CAMSAP2: variants seen among roughly 807,000 people sequenced by gnomAD.
CAMSAP2 encodes calmodulin regulated spectrin associated protein family member 2, also known as calmodulin-regulated spectrin-associated protein 2.
Under a neutral mutation model 146.1 loss-of-function variants are expected in CAMSAP2, and 26 were observed. The ratio of observed to expected loss-of-function variants is 0.18; its 90% confidence interval spans 0.13 to 0.25. The LOEUF (loss-of-function observed/expected upper bound fraction) is 0.25. CAMSAP2 is among the 10% of genes least tolerant of loss of function. CAMSAP2 has a pLI of 1.00. For synonymous variants in CAMSAP2, 499 were observed against 596.6 expected (o/e 0.84, Z 2.38); for missense variants, 1,381 against 1,759.3 (o/e 0.78, Z 3.85).
Position 200,849,138 on chromosome 1 carries a change from T to C in CAMSAP2, c.2369T>C (p.Val790Ala), listed in dbSNP as rs758101733. The C allele has an allele frequency of 2.5e-6, 4 of 1,613,932 alleles. No homozygotes were observed. The highest frequency in any genetic ancestry group is 3.4e-6 in the Non-Finnish European group (4 of 1,179,976). The change falls in exon 11 of 17, where the codon GTA becomes GCA. Residue 790 changes from valine (V) to alanine (A), a missense_variant. By Grantham distance (64) the Val-to-Ala change is moderately conservative. This residue lies in a region of CAMSAP2 where 560 missense variants were observed against 715.9 expected (regional missense o/e 0.78). Coordinates refer to ENST00000358823, the MANE Select transcript of CAMSAP2 (RefSeq NM_203459.4). The surrounding 1 kb of genome is among the most constrained non-coding windows in gnomAD (Gnocchi z 6.3). Reference protein sequence around the residue: ...QKMGRTAFLTVVKKKGDGISP... With the variant: ...QKMGRTAFLTAVKKKGDGISP... Reference sequence around the variant, plus strand: ...ATGGGAAGGACAGCATTCCTTACTGTAGTGAAAAAGAAAGGGGATGGGATA... The same window carrying C: ...ATGGGAAGGACAGCATTCCTTACTGCAGTGAAAAAGAAAGGGGATGGGATA...
rs1005676701 is a variant in CAMSAP2 at position 200,857,063 on chromosome 1, T to C, written c.4013-243T>C. ...ATAGGCAGTATGACAGTTATAGCAA[T>C]ATTTTATTTTTAGTACTGCTCTCAC... On this transcript the variant is annotated intron_variant, in intron 15 of 16. Transcript: ENST00000358823. This position sits in a 1 kb window ranked among gnomAD's most constrained non-coding sequence, Gnocchi z 4.7. 2.6e-5 allele frequency among the ~76,000 whole-genome samples: 4 copies of C among 152,146 alleles called. No individual in the cohort carries two copies. Among genetic ancestry groups the C allele is most frequent in the African/African-American group, 4.8e-5 (2 of 41,416 alleles).
At chr1:200,840,728 A>T (rs1157230259) in intron 6 of CAMSAP2, among the ~76,000 whole-genome samples, 1 of 152,248 alleles carries the variant, frequency 6.6e-6, no homozygotes, top group Admixed American at 6.5e-5. Context: ...AGTAGGAAGA[A>T]GGCAAGACAT....
intron 2 of CAMSAP2, among the ~76,000 whole-genome samples, chr1:200,781,381 G>T (rs1295687752): frequency 2.0e-5 from 3 of 152,138 alleles, no homozygotes; most frequent in African/African-American, 7.2e-5. Flanking sequence ...GGCCTGAGCT[G>T]CCTTATATAA....
At chr1:200,837,867 C>T (rs1265243179) in intron 6 of CAMSAP2, among the ~76,000 whole-genome samples, 1 of 152,056 alleles carries the variant, frequency 6.6e-6, no homozygotes, top group Non-Finnish European at 1.5e-5. Flanking sequence ...TGATTTGGCT[C>T]TTGGCTTAAC....
chr1:200,788,635 CTTTTTTTCT>C (rs1665660507), intron 2 of CAMSAP2, among the ~76,000 whole-genome samples: 1 of 115,780 alleles, frequency 8.6e-6, no homozygotes, highest in Non-Finnish European at 1.7e-5. Flanking sequence ...AACATCTTTT[CTTTTTTTCT>C]TTTTTTTTTT....
intron 1 of CAMSAP2, among the ~76,000 whole-genome samples, chr1:200,751,789 A>G (rs780069238): frequency 2.6e-5 from 4 of 152,174 alleles, no homozygotes; most frequent in Non-Finnish European, 4.4e-5. Context: ...GGTAATTAAG[A>G]TGGAGAGACA....
chr1:200,811,242 G>A (rs1008062323), intron 3 of CAMSAP2, among the ~76,000 whole-genome samples: 1 of 152,128 alleles, frequency 6.6e-6, no homozygotes, highest in Non-Finnish European at 1.5e-5. Flanking sequence ...CCCTGTGGTG[G>A]CAGTTTCTTT....
Position 200,857,620 on chromosome 1 carries a change from G to T in CAMSAP2, c.4132-134G>T, listed in dbSNP as rs1240410121. The T allele has an allele frequency of 3.3e-6, 3 of 898,792 alleles. No individual in the cohort carries two copies. Among genetic ancestry groups the T allele is most frequent in the Non-Finnish European group, 5.0e-6 (3 of 602,454 alleles). The allele number at this position is 898,792 out of a possible 1,614,324, so 55.7% of individuals were successfully genotyped here. ...CAGATTTTATTAAAGACTAGCAATAGGCTTTAAGATTTGTCATTGAAATAA... is the reference window on the plus strand; with the variant it reads ...CAGATTTTATTAAAGACTAGCAATATGCTTTAAGATTTGTCATTGAAATAA... On this transcript the variant is annotated intron_variant, in intron 16 of 16. Coordinates refer to ENST00000358823, the MANE Select transcript of CAMSAP2 (RefSeq NM_203459.4). This position sits in a 1 kb window ranked among gnomAD's most constrained non-coding sequence, Gnocchi z 4.7.
intron 1 of CAMSAP2, among the ~76,000 whole-genome samples, chr1:200,754,154 TATA>T (rs2102994844): frequency 6.6e-6 from 1 of 152,336 alleles, no homozygotes; most frequent in East Asian, 1.9e-4. Flanking sequence ...TGTTTAATCT[TATA>T]AGAACAATAT....
At chr1:200,793,566 G>T (rs1665810299) in intron 2 of CAMSAP2, among the ~76,000 whole-genome samples, 1 of 152,058 alleles carries the variant, frequency 6.6e-6, no homozygotes, top group Non-Finnish European at 1.5e-5. Flanking sequence ...AAGCTGCCTT[G>T]TTTGGATATT....
In CAMSAP2 at chr1:200,807,519, C is replaced by T. The variant is rs774676994; in HGVS notation, c.543C>T (p.Val181=). Residue 181 remains valine, a synonymous_variant, in exon 3 of 17, where the codon GTC becomes GTT. Transcript: ENST00000358823. ...TGCCCTATGATATTGAGGACGCTGT[C>T]ATGTACTGGATAAATAAGGTAGGAT... ...TDLPYDIEDA[V]MYWINKVNEH... 13 of 1,599,482 alleles carry T rather than the reference C, an allele frequency of 8.1e-6. No individual in the cohort carries two copies. The highest frequency in any genetic ancestry group is 3.3e-4 in the Middle Eastern group (2 of 5,992).
At chr1:200,818,178 C>A (rs1468634130) in intron 4 of CAMSAP2, among the ~76,000 whole-genome samples, 4 of 152,016 alleles carry the variant, frequency 2.6e-5, no homozygotes, top group Non-Finnish European at 5.9e-5. Flanking sequence ...TGGTTAAATT[C>A]TGTAGTATTG....
intron 1 of CAMSAP2, among the ~76,000 whole-genome samples, chr1:200,757,688 CTT>C (rs1298637842): frequency 6.6e-6 from 1 of 152,044 alleles, no homozygotes; most frequent in African/African-American, 2.4e-5. Flanking sequence ...GAAGTCTTCT[CTT>C]AAGTATATTT....
At chr1:200,780,647 T>C (rs1665404641) in intron 2 of CAMSAP2, among the ~76,000 whole-genome samples, 1 of 152,194 alleles carries the variant, frequency 6.6e-6, no homozygotes, top group South Asian at 2.1e-4. Context: ...AATATGGTAG[T>C]TGCTTGCCAG....
At position 200,848,106 on chromosome 1, in the gene CAMSAP2, G is replaced by A. The variant is rs146524997; in HGVS notation, c.1337G>A (p.Arg446Gln). 2.2e-5 allele frequency: 36 copies of A among 1,609,272 alleles called. No homozygotes were observed. Among genetic ancestry groups the A allele is most frequent in the Middle Eastern group, 1.7e-4 (1 of 6,058 alleles). ...AGTGTACAGAGATCCACTCCAAACC[G>A]AGGAATCACTCGTTCTATTAGTAAT... ...EDSVQRSTPN[R>Q]GITRSISNEG... The change falls in exon 11 of 17, where the codon CGA becomes CAA. Residue 446 changes from arginine to glutamine, a missense_variant. By Grantham distance (43) the Arg-to-Gln change is conservative. Transcript: ENST00000358823.
chr1:200,753,298 C>CA (rs35626597), intron 1 of CAMSAP2, among the ~76,000 whole-genome samples: 11,815 of 101,190 alleles, frequency 0.12, 617 homozygotes, highest in South Asian at 0.22. Flanking sequence ...AACTCCATCT[C>CA]AAAAAAAAAA....
chr1:200,816,871 TACACACACACGCGTGTGTATGTGTGTAC>T (rs1666545195), intron 4 of CAMSAP2, among the ~76,000 whole-genome samples: 1 of 57,688 alleles, frequency 1.7e-5, no homozygotes, highest in Admixed American at 1.8e-4. Flanking sequence ...TGTATGTGTG[TACACACACACGCGTGTGTATGTGTGTAC>T]ACACACACGC....
intron 4 of CAMSAP2, among the ~76,000 whole-genome samples, chr1:200,816,167 ACCTGTAATC>A (rs1666477172): frequency 6.6e-6 from 1 of 152,104 alleles, no homozygotes; most frequent in Admixed American, 6.6e-5. Flanking sequence ...AGTGGCGTGT[ACCTGTAATC>A]CCAGCCACTC....
At chr1:200,785,133 A>G (rs1159015632) in intron 2 of CAMSAP2, among the ~76,000 whole-genome samples, 1 of 151,936 alleles carries the variant, frequency 6.6e-6, no homozygotes, top group Non-Finnish European at 1.5e-5. Context: ...TATCTCTTTT[A>G]TATATTGTTA....
Sources: gnomAD v4.1 joint callset for allele counts (sites outside exome capture counted in the v4.1 genomes callset) on GRCh38, gnomAD v4.1.1 for gene constraint, gnomAD v4.1.1 regional missense constraint, Gnocchi (gnomAD v3.1) non-coding constraint, MANE v1.5 for transcripts, NCBI Gene and HGNC (gene_info 2026-07-23, HGNC 2026-07-21) for gene names.